The following SZT2 variants were observed in gnomAD, a reference collection of about 807,000 sequenced individuals.
The protein encoded by SZT2 is SZT2 subunit of KICSTOR complex, also known as KICSTOR complex protein SZT2.
A neutral mutation model predicts 404.2 loss-of-function variants in SZT2; 216 were observed. That is an observed-to-expected ratio of 0.53 (90% CI 0.48 to 0.60). The LOEUF (loss-of-function observed/expected upper bound fraction) is 0.60, where lower values mean the gene tolerates loss of function less well. Ranked by LOEUF, SZT2 falls within the 20% of genes least tolerant of loss-of-function variation. The probability of loss-of-function intolerance (pLI) is 0.00; values close to 1 mark genes in which losing one functional copy is unlikely to be tolerated. For missense variants in SZT2, 3,857 were observed against 4,459.2 expected, an observed-to-expected ratio of 0.86 and a Z score of 3.85; for synonymous variants, 1,693 against 1,749.9, an observed-to-expected ratio of 0.97 and a Z score of 0.81.
chr1:43,433,244 G>A, intron 40 of SZT2, 54 bp downstream of exon 40: 7 of 1,569,996 alleles, frequency 4.5e-6, no homozygotes, highest in Non-Finnish European at 5.2e-6. Context: ...TCTTCTCTCT[G>A]CTCCCACAGT....
chr1:43,420,191 G>T lies in SZT2; in HGVS notation c.1129G>T (p.Ala377Ser). The T allele has an allele frequency of 6.3e-7, 1 of 1,598,454 alleles. No individual in the cohort carries two copies. Among genetic ancestry groups the T allele is most frequent in the Admixed American group, 1.7e-5 (1 of 60,010 alleles). Residue 377 changes from alanine to serine, a missense_variant, in exon 9 of 72, where the codon GCA becomes TCA. Coordinates refer to ENST00000634258, the MANE Select transcript of SZT2 (RefSeq NM_001365999.1). This position sits in a 1 kb window ranked among gnomAD's most constrained non-coding sequence, Gnocchi z 5.1. ...HRLFNEHLVSASSNPALALRR... is the reference protein window; with the variant it reads ...HRLFNEHLVSSSSNPALALRR... ...CCTATTTAATGAGCACCTGGTCTCT[G>T]CAAGCAGCAACCCTGCCCTGGCCTT... is the stretch of plus-strand genomic sequence containing the variant.
In SZT2 at chr1:43,439,914, T is replaced by C; in HGVS notation, c.7076T>C (p.Val2359Ala). 1 of 1,610,136 alleles carries C rather than the reference T, an allele frequency of 6.2e-7. No homozygotes were observed. The highest frequency in any genetic ancestry group is 2.2e-5 in the East Asian group (1 of 44,836). Residue 2359 changes from valine to alanine, a missense_variant, in exon 51 of 72, where the codon GTG becomes GCG. Physicochemically the swap from Val to Ala is moderately conservative, Grantham distance 64. This residue lies in a region of SZT2 where 573 missense variants were observed against 592.4 expected (regional missense o/e 0.97). Transcript: ENST00000634258. The surrounding 1 kb of genome is among the most constrained non-coding windows in gnomAD (Gnocchi z 4.2). ...QNGAPRLRLDVWEKGNISIVQ... is the reference protein window; with the variant it reads ...QNGAPRLRLDAWEKGNISIVQ... The stretch of plus-strand genomic sequence containing the variant: ...GGGGCCCCACGGCTTCGATTGGATG[T>C]GTGGGAAAAGGGGAACATTAGTATT...
At chr1:43,430,839 C>T (rs765382629) in intron 32 of SZT2, 50 bp downstream of exon 32, 3 of 1,587,168 alleles carry the variant, frequency 1.9e-6, no homozygotes, top group Non-Finnish European at 2.6e-6. Context: ...GAACAGCCTG[C>T]CTAAGTGGGA....
intron 1 of SZT2, among the ~76,000 whole-genome samples, chr1:43,390,960 A>G (rs965484556): frequency 3.3e-5 from 5 of 152,218 alleles, no homozygotes; most frequent in African/African-American, 1.2e-4. Flanking sequence ...CCTCAGCCCT[A>G]TGAAGTGGAC....
At position 43,426,213 on chromosome 1, in the gene SZT2, G is replaced by C; in HGVS notation, c.3043+62G>C. On this transcript the variant is annotated intron_variant, in intron 21 of 71. Coordinates refer to ENST00000634258, the MANE Select transcript of SZT2 (RefSeq NM_001365999.1). This position sits in a 1 kb window ranked among gnomAD's most constrained non-coding sequence, Gnocchi z 4.9. ...AGGGCCAGCAAGCCTGGAAGTATTA[G>C]AAAATAACAAACAGATGGGTCAGCA... 1.3e-6 allele frequency: 2 copies of C among 1,571,308 alleles called. No individual in the cohort carries two copies. Among genetic ancestry groups the C allele is most frequent in the South Asian group, 1.1e-5 (1 of 87,470 alleles).
rs762107193 is a variant in SZT2 at position 43,389,918 on chromosome 1, TC to T, written c.-50del. 4.4e-5 allele frequency: 67 copies of T among 1,533,238 alleles called. No homozygotes were observed. Among genetic ancestry groups the T allele is most frequent in the Non-Finnish European group, 5.5e-5 (63 of 1,141,012 alleles). 95.0% of individuals were successfully genotyped at this position (1,533,238 alleles called of 1,614,324 possible). A position where few individuals can be genotyped will look rare whatever the true frequency, so the allele number is the denominator to read the frequency against. Reference sequence around the variant, plus strand: ...GGTGCCGAGGTAGCGAGGTCAGGGGTCAAGAGTGGAACACCCTCACTGGCCC... The same window carrying T: ...GGTGCCGAGGTAGCGAGGTCAGGGGTAAGAGTGGAACACCCTCACTGGCCC... On this transcript the variant is annotated 5_prime_UTR_variant, in exon 1 of 72. Coordinates refer to ENST00000634258, the MANE Select transcript of SZT2 (RefSeq NM_001365999.1).
intron 1 of SZT2, among the ~76,000 whole-genome samples, chr1:43,398,531 A>G (rs117460776): frequency 6.6e-6 from 1 of 152,196 alleles, no homozygotes; most frequent in Non-Finnish European, 1.5e-5. Flanking sequence ...TATCCAGCAT[A>G]GTCAACACAT....
chr1:43,446,699 ATGGAAT>A, intron 65 of SZT2: 1 of 616,804 alleles, frequency 1.6e-6, no homozygotes, highest in East Asian at 2.8e-5. Context: ...GCAGACCCTG[ATGGAAT>A]CTGGGATAGA....
chr1:43,446,382 C>A lies in SZT2; in HGVS notation c.9038C>A (p.Ser3013Tyr), dbSNP rs780558383. 4 of 1,614,274 alleles carry A rather than the reference C, an allele frequency of 2.5e-6. No homozygotes were observed. The South Asian group carries it at 3.3e-5, about 13-fold the overall frequency. Residue 3013 changes from serine (S) to tyrosine (Y), a missense_variant, in exon 65 of 72, where the codon TCC becomes TAC. Around this residue, in one of 7 missense-constraint regions of SZT2, gnomAD observed 717 missense variants for 868.2 expected, o/e 0.83. Transcript: ENST00000634258. ...FCVKQFALECSRIPMGQAVNS... is the reference protein window; with the variant it reads ...FCVKQFALECYRIPMGQAVNS... ...GTCAAACAGTTTGCCCTGGAATGTT[C>A]CCGAATCCCAATGGGGCAGGCTGTC... is the stretch of plus-strand genomic sequence containing the variant.
Position 43,443,084 on chromosome 1 carries a change from G to A in SZT2, c.8417G>A (p.Arg2806Lys), listed in dbSNP as rs1324304458. The A allele has an allele frequency of 3.1e-6, 5 of 1,611,692 alleles. No homozygotes were observed. The highest frequency in any genetic ancestry group is 1.1e-5 in the South Asian group (1 of 90,858). Residue 2806 changes from arginine to lysine, a missense_variant and splice_region_variant, in exon 59 of 72, where the codon AGA becomes AAA. Transcript: ENST00000634258. Reference sequence around the variant, plus strand: ...CTAGAGATCAAGATGGCAGAGCGCAGAGGTGAGGGTACTGGGCCAGGCAGC... The same window carrying A: ...CTAGAGATCAAGATGGCAGAGCGCAAAGGTGAGGGTACTGGGCCAGGCAGC... Reference protein sequence around the residue: ...QFLEIKMAERRELERQMKMEN... With the variant: ...QFLEIKMAERKELERQMKMEN...
In SZT2 at chr1:43,437,129, G is replaced by T; in HGVS notation, c.6035-42G>T. The T allele has an allele frequency of 1.2e-6, 2 of 1,609,090 alleles. No individual in the cohort carries two copies. Among genetic ancestry groups the T allele is most frequent in the Non-Finnish European group, 8.5e-7 (1 of 1,177,120 alleles). On this transcript the variant is annotated intron_variant, in intron 42 of 71. Coordinates refer to ENST00000634258, the MANE Select transcript of SZT2 (RefSeq NM_001365999.1). This position sits in a 1 kb window ranked among gnomAD's most constrained non-coding sequence, Gnocchi z 5.3. Reference sequence around the variant, plus strand: ...GGTGAGAAGTCTGTGGAGGGCAGAGGGTGGTGTGTCCCATTTCTAATCCCT... The same window carrying T: ...GGTGAGAAGTCTGTGGAGGGCAGAGTGTGGTGTGTCCCATTTCTAATCCCT...
rs369400160 is a variant in SZT2, at chr1:43,440,674, T to A, written c.7344+88T>A. On this transcript the variant is annotated intron_variant, in intron 52 of 71. Coordinates refer to ENST00000634258, the MANE Select transcript of SZT2 (RefSeq NM_001365999.1). The stretch of plus-strand genomic sequence containing the variant: ...CTCCCTCCTGCTTCCCAGTCCCCCA[T>A]AGGCCTTGCCACAGTGTCCTTTCAT... 83 of 1,448,140 alleles carry A rather than the reference T, an allele frequency of 5.7e-5. No homozygotes were observed. The African/African-American group carries it at 1.1e-3, about 19-fold the overall frequency. The allele number at this position is 1,448,140 out of a possible 1,614,324, so 89.7% of individuals were successfully genotyped here.
chr1:43,432,532 C>T lies in SZT2; in HGVS notation c.5458C>T (p.Pro1820Ser). The change falls in exon 38 of 72, where the codon CCC becomes TCC. Residue 1820 changes from proline (P) to serine (S), a missense_variant. Pro to Ser is a moderately conservative substitution (Grantham distance 74). Around this residue, in one of 7 missense-constraint regions of SZT2, gnomAD observed 1,725 missense variants for 1,881.0 expected, o/e 0.92. Coordinates refer to ENST00000634258, the MANE Select transcript of SZT2 (RefSeq NM_001365999.1). ...GIEGETLTAS[P>S]QAPGSPEDSE... is the part of the protein sequence containing the mutation. ...TATTCCTCAGACCCTGACAGCCAGCCCCCAAGCACCTGGGTCCCCAGAGGA... is the reference window on the plus strand; with the variant it reads ...TATTCCTCAGACCCTGACAGCCAGCTCCCAAGCACCTGGGTCCCCAGAGGA... 6.2e-7 allele frequency: 1 copy of T among 1,606,926 alleles called. No homozygotes were observed. The highest frequency in any genetic ancestry group is 2.2e-5 in the East Asian group (1 of 44,860).
rs759088336 is a variant in SZT2 at position 43,420,807 on chromosome 1, G to A, written c.1320G>A (p.Glu440=). 2 of 1,598,348 alleles carry A rather than the reference G, an allele frequency of 1.3e-6. No individual in the cohort carries two copies. The highest frequency in any genetic ancestry group is 1.7e-5 in the Admixed American group (1 of 60,012). The change falls in exon 10 of 72, where the codon GAG becomes GAA. Residue 440 remains glutamate (E), a synonymous_variant. Transcript: ENST00000634258. The surrounding 1 kb of genome is among the most constrained non-coding windows in gnomAD (Gnocchi z 5.1). ...VLLWKHNMRI[E]YVAMAPWPLE... ...TGTGGAAACACAACATGCGCATTGA[G>A]TATGTGGCTATGGCACCCTGGCCCC...
Position 43,420,609 on chromosome 1 carries a change from G to A in SZT2, c.1262-140G>A. 1 of 929,220 alleles carries A rather than the reference G, an allele frequency of 1.1e-6. No homozygotes were observed. Among genetic ancestry groups the A allele is most frequent in the Non-Finnish European group, 1.6e-6 (1 of 633,220 alleles). The allele number at this position is 929,220 out of a possible 1,614,324, so 57.6% of individuals were successfully genotyped here. On this transcript the variant is annotated intron_variant, in intron 9 of 71. Coordinates refer to ENST00000634258, the MANE Select transcript of SZT2 (RefSeq NM_001365999.1). The surrounding 1 kb of genome is among the most constrained non-coding windows in gnomAD (Gnocchi z 5.1). ...TGTTTGTGTCAGTGGGCCAACTCTG[G>A]GCCTGAAACCTGTGGAACCATGCTT... is the stretch of plus-strand genomic sequence containing the variant.
Position 43,430,574 on chromosome 1 carries a change from A to T in SZT2, c.4559A>T (p.Asp1520Val), listed in dbSNP as rs1393823379. The change falls in exon 32 of 72, where the codon GAC (aspartate) becomes GTC (valine). Residue 1520 changes from aspartate to valine, a missense_variant. Around this residue, in one of 7 missense-constraint regions of SZT2, gnomAD observed 1,725 missense variants for 1,881.0 expected, o/e 0.92. Transcript: ENST00000634258. The part of the protein sequence containing the change: ...EVEYRESRES[D>V]LGPAGLDSAS... Reference sequence around the variant, plus strand: ...GAATACCGGGAGAGCCGTGAATCAGACCTGGGGCCTGCTGGGCTAGACTCT... The same window carrying T: ...GAATACCGGGAGAGCCGTGAATCAGTCCTGGGGCCTGCTGGGCTAGACTCT... 3 of 1,614,006 alleles carry T rather than the reference A, an allele frequency of 1.9e-6. No individual in the cohort carries two copies. The highest frequency in any genetic ancestry group is 2.5e-6 in the Non-Finnish European group (3 of 1,180,040).
At position 43,442,342 on chromosome 1, in the gene SZT2, T is replaced by C. The variant is rs1183416295; in HGVS notation, c.7948T>C (p.Leu2650=). 1 of 1,613,956 alleles carries C rather than the reference T, an allele frequency of 6.2e-7. No homozygotes were observed. The highest frequency in any genetic ancestry group is 8.5e-7 in the Non-Finnish European group (1 of 1,179,996). The change falls in exon 57 of 72, where the codon TTG becomes CTG. Residue 2650 remains leucine, a synonymous_variant. Coordinates refer to ENST00000634258, the MANE Select transcript of SZT2 (RefSeq NM_001365999.1). The surrounding 1 kb of genome is among the most constrained non-coding windows in gnomAD (Gnocchi z 4.5). ...GCGAAATGCTCCCCGGCAGAGGCTC[T>C]TGCTACTAGAGGTTGTGGACAAGAA... ...SGRNAPRQRL[L]LLEVVDKKLQ...
rs755704456 is a variant in SZT2 at position 43,422,219 on chromosome 1, A to C, written c.1763A>C (p.His588Pro). Residue 588 changes from histidine (H) to proline (P), a missense_variant, in exon 12 of 72, where the codon CAT (histidine) becomes CCT (proline). Physicochemically the swap from His to Pro is moderately conservative, Grantham distance 77 (BLOSUM62 -2). This residue lies in a region of SZT2 where 1,725 missense variants were observed against 1,881.0 expected (regional missense o/e 0.92). Transcript: ENST00000634258. Reference sequence around the variant, plus strand: ...CATCGCCTGGTGCTAATCCTGGAGCATGACACGTGGGTGCCCTTAGGGCTG... The same window carrying C: ...CATCGCCTGGTGCTAATCCTGGAGCCTGACACGTGGGTGCCCTTAGGGCTG... ...HMHRLVLILE[H>P]DTPIPKHLHT... is the part of the protein sequence containing the mutation. 6.3e-7 allele frequency: 1 copy of C among 1,582,356 alleles called. No homozygotes were observed. The highest frequency in any genetic ancestry group is 8.6e-7 in the Non-Finnish European group (1 of 1,167,534).
chr1:43,418,381 G>A (rs1242115888), intron 7 of SZT2, among the ~76,000 whole-genome samples: 1 of 152,214 alleles, frequency 6.6e-6, no homozygotes. Context: ...ATTGTCTTAA[G>A]AAACAGATTG....
Sources: allele counts gnomAD v4.1 joint callset (sites outside exome capture counted in the v4.1 genomes callset), GRCh38; gene constraint gnomAD v4.1.1; regional missense constraint gnomAD v4.1.1; non-coding constraint Gnocchi (gnomAD v3.1); transcripts MANE v1.5; gene names NCBI Gene and HGNC (gene_info 2026-07-23, HGNC 2026-07-21).